CIRBP: variants seen among roughly 807,000 people sequenced by gnomAD.
The protein encoded by CIRBP is cold inducible RNA binding protein.
CIRBP carries 11 observed loss-of-function variants against 22.3 expected under a neutral mutation model. The ratio of observed to expected loss-of-function variants is 0.49; its 90% CI spans 0.31 to 0.82. CIRBP has a LOEUF of 0.82. CIRBP is among the 40% of genes least tolerant of loss of function. The probability of loss-of-function intolerance (pLI) is 0.05; values close to 1 mark genes in which losing one functional copy is unlikely to be tolerated. For synonymous variants in CIRBP, 216 were observed against 158.8 expected, an observed-to-expected ratio of 1.36 and a Z score of -2.71; for missense variants, 456 against 402.7, an observed-to-expected ratio of 1.13 and a Z score of -1.13.
rs145902755 is a variant in CIRBP at position 1,272,050 on chromosome 19, C to T, written c.501C>T (p.Tyr167=). 166 of 1,613,408 alleles carry T rather than the reference C, an allele frequency of 1.0e-4. No individual in the cohort carries two copies. Among genetic ancestry groups the T allele is most frequent in the Non-Finnish European group, 1.3e-4 (159 of 1,179,482 alleles). The change falls in exon 6 of 6, where the codon TAC becomes TAT. Residue 167 remains tyrosine (Y), a synonymous_variant. Coordinates refer to ENST00000587896, the MANE Select transcript of CIRBP (RefSeq NM_001300829.2). The part of the protein sequence containing the change: ...GGSYRDSYDS[Y]GKSHSEGATL... Reference sequence around the variant, plus strand: ...CCTACAGAGACAGTTATGACAGTTACGGTAAGTCACACTCCGAGGGCGCCA... The same window carrying T: ...CCTACAGAGACAGTTATGACAGTTATGGTAAGTCACACTCCGAGGGCGCCA...
chr19:1,272,319 G>C lies in CIRBP; in HGVS notation c.770G>C (p.Gly257Ala). The C allele has an allele frequency of 6.2e-7, 1 of 1,613,766 alleles. No homozygotes were observed. The highest frequency in any genetic ancestry group is 8.5e-7 in the Non-Finnish European group (1 of 1,179,912). ...CGRRPASLGC[G>A]GWLLPGRRPR... ...CGCAGGCCAGCCTCCCTCGGCTGTG[G>C]GGGGTGGTTGCTCCCCGGCCGCAGG... The change falls in exon 6 of 6, where the codon GGG becomes GCG. Residue 257 changes from glycine to alanine, a missense_variant. Physicochemically the swap from Gly to Ala is moderately conservative, Grantham distance 60. Transcript: ENST00000587896.
intron 1 of CIRBP, chr19:1,270,066 C>G (rs368485627): frequency 3.8e-6 from 2 of 519,770 alleles, no homozygotes; most frequent in African/African-American, 3.9e-5. Flanking sequence ...GCACTGACCG[C>G]CCCCTTAAAT....
At chr19:1,269,955 G>A (rs373918038) in intron 1 of CIRBP, 8 of 519,778 alleles carry the variant, frequency 1.5e-5, no homozygotes, top group African/African-American at 3.8e-5. Flanking sequence ...CCCAAAGTTT[G>A]GTCCAAGTTG....
rs1405821532 is a variant in CIRBP, at chr19:1,271,264, G to T, written c.210+18G>T. On this transcript the variant is annotated intron_variant, in intron 3 of 5. Coordinates refer to ENST00000587896, the MANE Select transcript of CIRBP (RefSeq NM_001300829.2). ...ATGGGAAGGTGAGGATCAGGGTGCT[G>T]AGCAGGAGTCCCGTCTCGAGGATGG... is the stretch of plus-strand genomic sequence containing the variant. 1.2e-6 allele frequency: 2 copies of T among 1,613,998 alleles called. No individual in the cohort carries two copies. Among genetic ancestry groups the T allele is most frequent in the Non-Finnish European group, 1.7e-6 (2 of 1,179,978 alleles).
In CIRBP at chr19:1,271,879, C is replaced by T. The variant is rs983977194; in HGVS notation, c.432-102C>T. On this transcript the variant is annotated intron_variant, in intron 5 of 5. Transcript: ENST00000587896. ...GCCCTGCTGGGGTCCTTGTTGTGTC[C>T]CCAGAAGGGACGGCTGGCATGGGGG... The T allele has an allele frequency of 4.7e-6, 5 of 1,066,516 alleles. No homozygotes were observed. The Admixed American group carries it at 7.9e-5, about 17-fold the overall frequency. 66.1% of individuals were successfully genotyped at this position (1,066,516 alleles called of 1,614,324 possible). A position where few individuals can be genotyped will look rare whatever the true frequency, so the allele number is the denominator to read the frequency against.
At chr19:1,271,676 GC>G in intron 5 of CIRBP, 44 bp downstream of exon 5, 1 of 1,240,692 alleles carries the variant, frequency 8.1e-7, no homozygotes, top group Non-Finnish European at 1.1e-6. Flanking sequence ...TTGCGGGATG[GC>G]CAGCTTCCGT....
chr19:1,271,874 G>A lies in CIRBP; in HGVS notation c.432-107G>A, dbSNP rs2081347056. 2.0e-5 allele frequency: 20 copies of A among 986,964 alleles called. No individual in the cohort carries two copies. The South Asian group carries it at 2.9e-4, about 14-fold the overall frequency. 61.1% of individuals were successfully genotyped at this position (986,964 alleles called of 1,614,324 possible). A position where few individuals can be genotyped will look rare whatever the true frequency, so the allele number is the denominator to read the frequency against. ...ATGCTGCCCTGCTGGGGTCCTTGTT[G>A]TGTCCCCAGAAGGGACGGCTGGCAT... On this transcript the variant is annotated intron_variant, in intron 5 of 5. Transcript: ENST00000587896.
rs1287120174 is a variant in CIRBP at position 1,270,882 on chromosome 19, G to A, written c.-6-46G>A. The A allele has an allele frequency of 8.1e-5, 95 of 1,172,076 alleles. 1 individual carries two copies. The East Asian group carries it at 2.2e-3, about 27-fold the overall frequency. The allele number at this position is 1,172,076 out of a possible 1,614,324, so 72.6% of individuals were successfully genotyped here. A position where few individuals can be genotyped will look rare whatever the true frequency, so the allele number is the denominator to read the frequency against. On this transcript the variant is annotated intron_variant, in intron 1 of 5. Transcript: ENST00000587896. The stretch of plus-strand genomic sequence containing the variant: ...CATAAAATAGGAAGCGGGGAGAGGT[G>A]GTGAGAGATGACCCCTGTTGAGGAT...
At position 1,271,804 on chromosome 19, in the gene CIRBP, A is replaced by G. The variant is rs1174914748; in HGVS notation, c.431+172A>G. The G allele has an allele frequency of 7.1e-6, 5 of 709,134 alleles. No individual in the cohort carries two copies. In the African/African-American group the frequency reaches 7.2e-5, roughly 10 times the overall value. The allele number at this position is 709,134 out of a possible 1,614,324, so 43.9% of individuals were successfully genotyped here. On this transcript the variant is annotated intron_variant, in intron 5 of 5. Coordinates refer to ENST00000587896, the MANE Select transcript of CIRBP (RefSeq NM_001300829.2). The stretch of plus-strand genomic sequence containing the variant: ...TGCTCAGGACATTCGCAGAAGCGGG[A>G]GGGCCTGGGGGACAGGCTGGTGGAG...
At chr19:1,271,785 G>C (rs1293417042) in intron 5 of CIRBP, 153 bp downstream of exon 5, 1 of 702,740 alleles carries the variant, frequency 1.4e-6, no homozygotes, top group East Asian at 2.7e-5. Flanking sequence ...AGACTGCTCA[G>C]GACATTCGCA....
At position 1,272,525 on chromosome 19, in the gene CIRBP, T is replaced by C; in HGVS notation, c.*82T>C. The C allele has an allele frequency of 8.8e-7, 1 of 1,142,592 alleles. No individual in the cohort carries two copies. The highest frequency in any genetic ancestry group is 2.4e-5 in the East Asian group (1 of 42,034). 70.8% of individuals were successfully genotyped at this position (1,142,592 alleles called of 1,614,324 possible). Reference sequence around the variant, plus strand: ...AGCTTCGCTGAACGTTAATGTGTAGTAAATGCACCTCCTTGTATTCCCACT... The same window carrying C: ...AGCTTCGCTGAACGTTAATGTGTAGCAAATGCACCTCCTTGTATTCCCACT... On this transcript the variant is annotated 3_prime_UTR_variant, in exon 6 of 6. Coordinates refer to ENST00000587896, the MANE Select transcript of CIRBP (RefSeq NM_001300829.2).
At chr19:1,269,974 C>T in intron 1 of CIRBP, 1 of 519,946 alleles carries the variant, frequency 1.9e-6, no homozygotes, top group South Asian at 1.4e-5. Flanking sequence ...TGGCACAGCT[C>T]CCAGTGCCAG....
chr19:1,272,088 C>T lies in CIRBP; in HGVS notation c.539C>T (p.Pro180Leu). The T allele has an allele frequency of 6.2e-7, 1 of 1,614,070 alleles. No individual in the cohort carries two copies. Among genetic ancestry groups the T allele is most frequent in the Non-Finnish European group, 8.5e-7 (1 of 1,180,032 alleles). Residue 180 changes from proline (P) to leucine (L), a missense_variant, in exon 6 of 6, where the codon CCT becomes CTT. Physicochemically the swap from Pro to Leu is moderately conservative, Grantham distance 98. This residue lies in a region of CIRBP where 426 missense variants were observed against 339.6 expected (regional missense o/e 1.25). Transcript: ENST00000587896. ...SHSEGATLLWPAVGARFTLVP... is the reference protein window; with the variant it reads ...SHSEGATLLWLAVGARFTLVP... ...TCCGAGGGCGCCACGCTGCTGTGGC[C>T]TGCGGTGGGAGCTCGGTTCACCTTG...
In CIRBP at chr19:1,272,430, C is replaced by T; in HGVS notation, c.881C>T (p.Thr294Ile). ...LHCACFLSSA[T>I]HNE ...TGTGCCTGCTTCTTGTCCTCAGCTA[C>T]ACACAACGAGTAAAAACCCTTCCTG... The change falls in exon 6 of 6, where the codon ACA becomes ATA. Residue 294 changes from threonine (T) to isoleucine (I), a missense_variant. By Grantham distance (89) the Thr-to-Ile change is moderately conservative (BLOSUM62 -1). Around this residue, in one of 2 missense-constraint regions of CIRBP, gnomAD observed 426 missense variants for 339.6 expected, o/e 1.25. Coordinates refer to ENST00000587896, the MANE Select transcript of CIRBP (RefSeq NM_001300829.2). 6.5e-7 allele frequency: 1 copy of T among 1,547,368 alleles called. No homozygotes were observed. The highest frequency in any genetic ancestry group is 1.2e-5 in the South Asian group (1 of 81,082).
intron 1 of CIRBP, chr19:1,270,088 C>T: frequency 1.9e-6 from 1 of 518,364 alleles, no homozygotes; most frequent in Middle Eastern, 3.2e-4. Context: ...GCCAGTTCTC[C>T]TAAATGCCAC....
intron 1 of CIRBP, chr19:1,269,711 G>GCGCGGGGCGCATGCGCA (rs886941991): frequency 8.5e-6 from 3 of 354,142 alleles, no homozygotes; most frequent in South Asian, 2.1e-5. Flanking sequence ...CGCAGGGTGC[G>GCGCGGGGCGCATGCGCA]CGCGGGGCGC....
In CIRBP at chr19:1,274,546, G is replaced by A. The variant is rs114963339; in HGVS notation, c.*2103G>A. The A allele has an allele frequency of 6.0e-3, 2,195 of 366,634 alleles. 48 individuals carry two copies. Among genetic ancestry groups the A allele is most frequent in the African/African-American group, 0.042 (1,998 of 47,872 alleles). The allele number at this position is 366,634 out of a possible 1,614,324, so 22.7% of individuals were successfully genotyped here. A position where few individuals can be genotyped will look rare whatever the true frequency, so the allele number is the denominator to read the frequency against. On this transcript the variant is annotated 3_prime_UTR_variant, in exon 6 of 6. Coordinates refer to ENST00000587896, the MANE Select transcript of CIRBP (RefSeq NM_001300829.2). ...TCCCGCACCTATGGCCCCATGGCGG[G>A]CGCCTTTCGGTGTGTGTTGGGTGCA... is the stretch of plus-strand genomic sequence containing the variant.
intron 1 of CIRBP, 106 bp from the exon 2 acceptor site, chr19:1,270,822 T>A (rs1471463882): frequency 6.2e-6 from 5 of 811,360 alleles, no homozygotes; most frequent in Non-Finnish European, 1.0e-5. Context: ...AAATCTGATT[T>A]TCTAATATTT....
chr19:1,269,989 C>A, intron 1 of CIRBP: 1 of 519,944 alleles, frequency 1.9e-6, no homozygotes, highest in Non-Finnish European at 3.8e-6. Flanking sequence ...TGCCAGACTT[C>A]CAAGTCTAGT....
Sources: allele counts gnomAD v4.1 joint callset, GRCh38; gene constraint gnomAD v4.1.1; regional missense constraint gnomAD v4.1.1; transcripts MANE v1.5; gene names NCBI Gene and HGNC (gene_info 2026-07-23, HGNC 2026-07-21).